The following GRM5 variants were observed in gnomAD, a reference collection of about 807,000 sequenced individuals.
GRM5 encodes glutamate metabotropic receptor 5, also known as metabotropic glutamate receptor 5.
A neutral mutation model predicts 83.1 loss-of-function variants in GRM5; 19 were observed. The ratio of observed to expected loss-of-function variants is 0.23; its 90% CI spans 0.16 to 0.34. The LOEUF (loss-of-function observed/expected upper bound fraction) is 0.34, where lower values mean the gene tolerates loss of function less well. Among genes scored for constraint, GRM5 ranks in the 10% least tolerant of loss-of-function variants. The probability of loss-of-function intolerance (pLI) is 1.00; values close to 1 mark genes in which losing one functional copy is unlikely to be tolerated. For missense variants in GRM5, 1,160 were observed against 1,588.3 expected, an observed-to-expected ratio of 0.73 and a Z score of 4.58; for synonymous variants, 675 against 633.6, an observed-to-expected ratio of 1.07 and a Z score of -0.98.
chr11:88,700,514 T>C (rs1941006488), intron 3 of GRM5, among the ~76,000 whole-genome samples: 1 of 152,164 alleles, frequency 6.6e-6, no homozygotes, highest in Admixed American at 6.6e-5. Context: ...AACCAGCTAT[T>C]TGGTGGAATG....
chr11:88,666,916 A>AAGTAAATGGACAGACATAT (rs1248721600), intron 3 of GRM5, among the ~76,000 whole-genome samples: 1 of 152,184 alleles, frequency 6.6e-6, no homozygotes, highest in Non-Finnish European at 1.5e-5. Flanking sequence ...GCATTAAAGA[A>AAGTAAATGGACAGACATAT]AAAGAATGAA....
At chr11:88,816,198 C>T (rs1396029816) in intron 3 of GRM5, among the ~76,000 whole-genome samples, 1 of 106,804 alleles carries the variant, frequency 9.4e-6, no homozygotes, top group African/African-American at 4.4e-5. Context: ...CCGGCCTGGG[C>T]GACAGAGCGA....
In GRM5 at chr11:88,582,147, C is replaced by T. The variant is rs902751; in HGVS notation, c.1690+8454G>A. ...GATACTTAATGTATTGAAATTGCCTCTTTATTTGCATATGTCTCTGCCTAG... is the reference window on the plus strand; with the variant it reads ...GATACTTAATGTATTGAAATTGCCTTTTTATTTGCATATGTCTCTGCCTAG... On this transcript the variant is annotated intron_variant, in intron 7 of 9. Coordinates refer to ENST00000305447, the MANE Select transcript of GRM5 (RefSeq NM_001143831.3). 7.3e-3 allele frequency among the ~76,000 whole-genome samples: 1,114 copies of T among 152,210 alleles called. 11 individuals carry two copies. The highest frequency in any genetic ancestry group is 0.026 in the African/African-American group (1,076 of 41,514).
At position 88,786,743 on chromosome 11, in the gene GRM5, CTTTA is replaced by C. The variant is rs202181472; in HGVS notation, c.911+63159_911+63162del. On this transcript the variant is annotated intron_variant, in intron 3 of 9. Transcript: ENST00000305447. ...ACACTTTTTTGATGCCCCTTTCCTGCTTTATTTATTTTTTTACGTTACATACCTT... is the reference window on the plus strand; with the variant it reads ...ACACTTTTTTGATGCCCCTTTCCTGCTTTATTTTTTTACGTTACATACCTT... Among the ~76,000 whole-genome samples the C allele has an allele frequency of 6.2e-3, 946 of 152,076 alleles. 9 individuals carry two copies. Among genetic ancestry groups the C allele is most frequent in the African/African-American group, 0.022 (910 of 41,532 alleles).
chr11:88,590,426 G>C lies in GRM5; in HGVS notation c.1690+175C>G, dbSNP rs56257834. On this transcript the variant is annotated intron_variant, in intron 7 of 9. Transcript: ENST00000305447. ...ACATATAGGCAGATCTCTCCCAGAG[G>C]TCTGAAGATTTGAATAAGTAGCTCA... Among the ~76,000 whole-genome samples the C allele has an allele frequency of 5.3e-3, 814 of 152,254 alleles. 4 individuals are homozygous for C. The highest frequency in any genetic ancestry group is 0.017 in the Middle Eastern group (5 of 294).
chr11:88,530,378 T>C (rs1403154964), intron 8 of GRM5, among the ~76,000 whole-genome samples: 2 of 152,010 alleles, frequency 1.3e-5, no homozygotes, highest in African/African-American at 2.4e-5. Flanking sequence ...ACTCTCACAA[T>C]AGATTTAATA....
At chr11:88,904,710 G>C (rs1945374286) in intron 2 of GRM5, among the ~76,000 whole-genome samples, 1 of 151,980 alleles carries the variant, frequency 6.6e-6, no homozygotes, top group Non-Finnish European at 1.5e-5. Context: ...ATATGTGCAT[G>C]TATTACACAC....
chr11:88,905,355 T>A (rs190416384), intron 2 of GRM5, among the ~76,000 whole-genome samples: 3 of 152,298 alleles, frequency 2.0e-5, no homozygotes, highest in Non-Finnish European at 2.9e-5. Context: ...ATTCATTTAC[T>A]TATTTTGAGA....
intron 3 of GRM5, among the ~76,000 whole-genome samples, chr11:88,781,262 C>T (rs376237743): frequency 5.1e-4 from 77 of 151,614 alleles, no homozygotes; most frequent in Middle Eastern, 3.4e-3. Flanking sequence ...ATCTGTAAGA[C>T]GCATGTATGT....
At chr11:88,793,030 A>C (rs1226163828) in intron 3 of GRM5, among the ~76,000 whole-genome samples, 1 of 152,058 alleles carries the variant, frequency 6.6e-6, no homozygotes, top group African/African-American at 2.4e-5. Context: ...TACTATTTAG[A>C]GTATAGCACT....
chr11:88,862,526 T>C (rs1944583311), intron 2 of GRM5, among the ~76,000 whole-genome samples: 1 of 152,172 alleles, frequency 6.6e-6, no homozygotes, highest in Non-Finnish European at 1.5e-5. Context: ...CCACTGCATA[T>C]TTCTATGGTG....
chr11:88,913,974 T>C (rs1469927659), intron 2 of GRM5, among the ~76,000 whole-genome samples: 1 of 152,144 alleles, frequency 6.6e-6, no homozygotes, highest in Non-Finnish European at 1.5e-5. Context: ...CTGCTTCTGC[T>C]CCTTTAATCC....
chr11:88,555,139 C>G (rs1289776380), intron 8 of GRM5, among the ~76,000 whole-genome samples: 1 of 152,148 alleles, frequency 6.6e-6, no homozygotes, highest in Non-Finnish European at 1.5e-5. Flanking sequence ...CTTCAAGTTT[C>G]TCACTTTTAA....
chr11:88,598,256 C>G (rs1366477271), intron 5 of GRM5, among the ~76,000 whole-genome samples: 1 of 152,082 alleles, frequency 6.6e-6, no homozygotes, highest in Non-Finnish European at 1.5e-5. Context: ...GCATGTGTAG[C>G]TATCTGGAAA....
chr11:88,642,844 G>C (rs940606971), intron 4 of GRM5, among the ~76,000 whole-genome samples: 1 of 152,058 alleles, frequency 6.6e-6, no homozygotes, highest in African/African-American at 2.4e-5. Flanking sequence ...TTCACTGTCC[G>C]TATCACTATC....
chr11:88,587,143 A>C (rs1454196309), intron 7 of GRM5, among the ~76,000 whole-genome samples: 1 of 152,224 alleles, frequency 6.6e-6, no homozygotes, highest in African/African-American at 2.4e-5. Context: ...CAGATCATTA[A>C]AATTTAGTTT....
At chr11:88,662,920 A>G (rs79350451) in intron 3 of GRM5, among the ~76,000 whole-genome samples, 16,435 of 152,240 alleles carry the variant, frequency 0.11, 1,661 homozygotes, top group African/African-American at 0.25. Context: ...CAGTTCGCCA[A>G]TACCCTGACT....
intron 2 of GRM5, among the ~76,000 whole-genome samples, chr11:88,908,368 C>T (rs1172262137): frequency 1.3e-5 from 2 of 152,048 alleles, no homozygotes; most frequent in East Asian, 1.9e-4. Flanking sequence ...AGTCTCTTTT[C>T]TAGTAATATG....
At chr11:88,559,711 A>G (rs1009816313) in intron 8 of GRM5, among the ~76,000 whole-genome samples, 1 of 152,146 alleles carries the variant, frequency 6.6e-6, no homozygotes. Context: ...AGTATTGAGT[A>G]TGTGATTGGC....
Sources: allele counts gnomAD v4.1 joint callset (sites outside exome capture counted in the v4.1 genomes callset), GRCh38; gene constraint gnomAD v4.1.1; transcripts MANE v1.5; gene names NCBI Gene and HGNC (gene_info 2026-07-23, HGNC 2026-07-21).